CAPN5: variants seen among roughly 807,000 people sequenced by gnomAD.
CAPN5 encodes the protein calpain 5, also known as calpain-5.
CAPN5 carries 54 observed loss-of-function variants against 73.0 expected under a neutral mutation model. That is an observed-to-expected ratio of 0.74 (90% CI 0.59 to 0.93). The LOEUF (loss-of-function observed/expected upper bound fraction) is 0.93, where lower values mean the gene tolerates loss of function less well. CAPN5 is among the 40% of genes least tolerant of loss of function. CAPN5 has a pLI of 0.00. For synonymous variants in CAPN5, 335 were observed against 356.9 expected, an observed-to-expected ratio of 0.94 and a Z score of 0.69; for missense variants, 785 against 882.9, an observed-to-expected ratio of 0.89 and a Z score of 1.41.
chr11:77,067,265 G>A (rs1265272626), intron 1 of CAPN5, among the ~76,000 whole-genome samples, 171 bp downstream of exon 1: 1 of 151,950 alleles, frequency 6.6e-6, no homozygotes, highest in Non-Finnish European at 1.5e-5. Flanking sequence ...GCTGGCTGGG[G>A]GGCGGGGTCC....
At chr11:77,114,692 C>A (rs544463236) in intron 5 of CAPN5, among the ~76,000 whole-genome samples, 40 of 152,270 alleles carry the variant, frequency 2.6e-4, no homozygotes, top group African/African-American at 9.4e-4. Flanking sequence ...TGAGGGTGGT[C>A]CTGATTTCAT....
chr11:77,116,254 A>T lies in CAPN5; in HGVS notation c.922A>T (p.Ser308Cys). Residue 308 changes from serine (S) to cysteine (C), a missense_variant, in exon 7 of 13, where the codon AGT becomes TGT. Ser to Cys is a moderately radical substitution (Grantham distance 112, BLOSUM62 -1). Transcript: ENST00000648180. Reference protein sequence around the residue: ...TSEEWQKVSKSEREKMGVTVQ... With the variant: ...TSEEWQKVSKCEREKMGVTVQ... The stretch of plus-strand genomic sequence containing the variant: ...GGAGGAGTGGCAGAAAGTGAGCAAG[A>T]GTGAGCGGGAGAAGATGGGTGTGAC... The T allele has an allele frequency of 1.2e-6, 2 of 1,613,630 alleles. No homozygotes were observed. Among genetic ancestry groups the T allele is most frequent in the Non-Finnish European group, 1.7e-6 (2 of 1,179,848 alleles).
At chr11:77,099,870 C>A (rs1208413339) in intron 3 of CAPN5, among the ~76,000 whole-genome samples, 1 of 151,996 alleles carries the variant, frequency 6.6e-6, no homozygotes, top group African/African-American at 2.4e-5. Flanking sequence ...GAGTTTCGCT[C>A]TTGTCACCCA....
At chr11:77,122,459 G>A in intron 11 of CAPN5, 117 bp from the exon 12 acceptor site, 2 of 894,776 alleles carry the variant, frequency 2.2e-6, no homozygotes, top group Non-Finnish European at 3.5e-6. Context: ...GGTGGGTCAG[G>A]CTCCAGTCTC....
intron 3 of CAPN5, among the ~76,000 whole-genome samples, chr11:77,103,587 C>A (rs1950312570): frequency 6.6e-6 from 1 of 152,180 alleles, no homozygotes; most frequent in Admixed American, 6.5e-5. Flanking sequence ...ACGATAGAGG[C>A]CTACTAGGGG....
chr11:77,118,384 T>A (rs1555042151), intron 8 of CAPN5, 32 bp downstream of exon 8: 3 of 1,523,484 alleles, frequency 2.0e-6, no homozygotes, highest in Non-Finnish European at 2.7e-6. Context: ...CACCCTGCCC[T>A]GTAGCAGCTG....
intron 3 of CAPN5, among the ~76,000 whole-genome samples, chr11:77,107,004 T>A (rs1950356672): frequency 6.6e-6 from 1 of 152,066 alleles, no homozygotes; most frequent in South Asian, 2.1e-4. Flanking sequence ...GAAGGGGGAC[T>A]CCCCCAAGGC....
chr11:77,102,177 G>A (rs1239922750), intron 3 of CAPN5, among the ~76,000 whole-genome samples: 1 of 152,188 alleles, frequency 6.6e-6, no homozygotes, highest in African/African-American at 2.4e-5. Flanking sequence ...CAAGTCTTGA[G>A]AACCACGGGT....
chr11:77,100,108 A>T (rs889320526), intron 3 of CAPN5, among the ~76,000 whole-genome samples: 10 of 152,160 alleles, frequency 6.6e-5, no homozygotes, highest in Non-Finnish European at 1.3e-4. Context: ...AGGTGCTGGG[A>T]TTACAGGCGT....
intron 12 of CAPN5, 29 bp from the exon 13 acceptor site, chr11:77,123,659 C>T (rs782631382): frequency 6.3e-5 from 100 of 1,586,812 alleles, no homozygotes; most frequent in Non-Finnish European, 7.9e-5. Flanking sequence ...GGTAGCCCGC[C>T]CCTCCCATGA....
At chr11:77,074,452 T>A (rs1949946882) in intron 1 of CAPN5, among the ~76,000 whole-genome samples, 1 of 152,112 alleles carries the variant, frequency 6.6e-6, no homozygotes, top group Admixed American at 6.5e-5. Context: ...TGGCCTATCC[T>A]TCTGGCCCTG....
intron 6 of CAPN5, 29 bp from the exon 7 acceptor site, chr11:77,116,197 C>T (rs1555041728): frequency 1.9e-6 from 3 of 1,589,702 alleles, no homozygotes; most frequent in African/African-American, 2.7e-5. Flanking sequence ...AGACAGCTCC[C>T]TTTCTCCTCC....
intron 1 of CAPN5, among the ~76,000 whole-genome samples, chr11:77,068,960 C>T (rs116040799): frequency 0.015 from 2,276 of 152,208 alleles, 62 homozygotes; most frequent in African/African-American, 0.052. Context: ...GGACACTGCT[C>T]CCAGGCCAGC....
intron 3 of CAPN5, among the ~76,000 whole-genome samples, chr11:77,095,740 T>C (rs1950202383): frequency 6.6e-6 from 1 of 152,220 alleles, no homozygotes. Flanking sequence ...AAGTGGTTCC[T>C]GGTGCAGCTC....
chr11:77,097,476 T>TA (rs1950223227), intron 3 of CAPN5, among the ~76,000 whole-genome samples: 1 of 142,838 alleles, frequency 7.0e-6, no homozygotes, highest in Non-Finnish European at 1.5e-5. Context: ...TTTTTTTTTT[T>TA]TTTTTTTTTT....
At chr11:77,100,467 C>T (rs1235444475) in intron 3 of CAPN5, among the ~76,000 whole-genome samples, 1 of 152,152 alleles carries the variant, frequency 6.6e-6, no homozygotes, top group Non-Finnish European at 1.5e-5. Context: ...AACTGCCCCC[C>T]ACCTTCGGCC....
intron 5 of CAPN5, 86 bp from the exon 6 acceptor site, chr11:77,115,309 G>A: frequency 9.1e-7 from 1 of 1,097,884 alleles, no homozygotes; most frequent in East Asian, 2.5e-5. Context: ...TAGGTCCCGT[G>A]CAGCCTCCTA....
At chr11:77,090,799 G>C (rs1950140639) in intron 2 of CAPN5, among the ~76,000 whole-genome samples, 1 of 152,204 alleles carries the variant, frequency 6.6e-6, no homozygotes. Flanking sequence ...GGGAACAGAT[G>C]CTAAGTCATA....
At chr11:77,103,046 T>A (rs550932625) in intron 3 of CAPN5, 2 of 1,613,654 alleles carry the variant, frequency 1.2e-6, no homozygotes, top group South Asian at 1.1e-5. Context: ...AGCGCTGGAA[T>A]GTCGTGCTGG....
Sources: gnomAD v4.1 joint callset for allele counts (sites outside exome capture counted in the v4.1 genomes callset) on GRCh38, gnomAD v4.1.1 for gene constraint, MANE v1.5 for transcripts, NCBI Gene and HGNC (gene_info 2026-07-23, HGNC 2026-07-21) for gene names.